The following ZNF714 variants were observed in gnomAD, a reference collection of about 807,000 sequenced individuals.
The protein encoded by ZNF714 is zinc finger protein 714.
ZNF714 carries 32 observed loss-of-function variants against 46.2 expected under a neutral mutation model. The ratio of observed to expected loss-of-function variants is 0.69; its 90% CI spans 0.52 to 0.93. ZNF714 has a LOEUF of 0.93. Among genes scored for constraint, ZNF714 ranks in the 40% least tolerant of loss-of-function variants. The pLI is 0.00. For missense variants in ZNF714, 635 were observed against 646.3 expected (o/e 0.98, Z 0.19); for synonymous variants, 199 against 213.1 (o/e 0.93, Z 0.58).
rs546940011 is a variant in ZNF714, at chr19:21,122,089, T to C, written c.*3757T>C. ...GATTGTTCCTTTCACTTTTTATAAT[T>C]GACATAAGTATATTTATTTATTGAG... On this transcript the variant is annotated 3_prime_UTR_variant, in exon 5 of 5. Transcript: ENST00000456283. 6.6e-6 allele frequency: 1 copy of C among 152,302 alleles called. No homozygotes were observed. Among genetic ancestry groups the C allele is most frequent in the African/African-American group, 2.4e-5 (1 of 41,572 alleles). The allele number at this position is 152,302 out of a possible 1,614,324, so 9.4% of individuals were successfully genotyped here.
Position 21,082,277 on chromosome 19 carries a change from T to G in ZNF714, c.-248T>G, listed in dbSNP as rs940874776. ...CCTCTGCTCGCAGAGGCCCAGCCTC[T>G]GTGGCCCTGTGACCTGCAGGTATTG... On this transcript the variant is annotated 5_prime_UTR_variant, in exon 1 of 5. Transcript: ENST00000456283. 3.1e-5 allele frequency: 44 copies of G among 1,419,996 alleles called. 1 individual carries two copies. In the Middle Eastern group the frequency reaches 5.9e-4, roughly 19 times the overall value. 88.0% of individuals were successfully genotyped at this position (1,419,996 alleles called of 1,614,324 possible).
intron 4 of ZNF714, among the ~76,000 whole-genome samples, chr19:21,115,336 C>T (rs1969567650): frequency 6.6e-6 from 1 of 151,570 alleles, no homozygotes. Flanking sequence ...TGTGTATGTG[C>T]ATGTTTCCCT....
intron 4 of ZNF714, among the ~76,000 whole-genome samples, chr19:21,111,632 G>A (rs1969451335): frequency 6.6e-6 from 1 of 152,112 alleles, no homozygotes; most frequent in Non-Finnish European, 1.5e-5. Flanking sequence ...AAATAGGAGT[G>A]GTGAGAGGGC....
chr19:21,097,409 A>G (rs1969068179), intron 2 of ZNF714, among the ~76,000 whole-genome samples: 1 of 152,224 alleles, frequency 6.6e-6, no homozygotes, highest in African/African-American at 2.4e-5. Flanking sequence ...TCAGCACATC[A>G]TAAAAATTTA....
At chr19:21,090,149 G>A (rs1968876135) in intron 2 of ZNF714, among the ~76,000 whole-genome samples, 1 of 152,204 alleles carries the variant, frequency 6.6e-6, no homozygotes. Flanking sequence ...CTCTGATCAG[G>A]AGTTTCAACT....
At chr19:21,097,716 T>C (rs971605370) in intron 2 of ZNF714, among the ~76,000 whole-genome samples, 2 of 152,016 alleles carry the variant, frequency 1.3e-5, no homozygotes, top group Admixed American at 6.6e-5. Context: ...GTCAAAAACA[T>C]TGGCATTGCT....
intron 2 of ZNF714, among the ~76,000 whole-genome samples, chr19:21,086,089 A>G (rs1357623668): frequency 6.6e-6 from 1 of 152,180 alleles, no homozygotes; most frequent in Non-Finnish European, 1.5e-5. Context: ...TGAAATCAGC[A>G]TGTTCTTAGA....
At chr19:21,088,586 GTTT>G in intron 2 of ZNF714, among the ~76,000 whole-genome samples, 1 of 152,142 alleles carries the variant, frequency 6.6e-6, no homozygotes, top group East Asian at 1.9e-4. Flanking sequence ...CTTTAAAACT[GTTT>G]TTATTTCAAA....
chr19:21,089,860 G>C (rs1390866253), intron 2 of ZNF714, among the ~76,000 whole-genome samples: 1 of 122,532 alleles, frequency 8.2e-6, no homozygotes, highest in Non-Finnish European at 1.7e-5. Context: ...CATTCCATCA[G>C]TTTACATAGA....
At chr19:21,106,440 G>T (rs2144858364) in intron 4 of ZNF714, among the ~76,000 whole-genome samples, 1 of 151,162 alleles carries the variant, frequency 6.6e-6, no homozygotes, top group South Asian at 2.1e-4. Context: ...GTGGTGGCAG[G>T]CGCCTGTAAT....
chr19:21,096,407 G>C (rs1327961537), intron 2 of ZNF714, among the ~76,000 whole-genome samples: 1 of 152,134 alleles, frequency 6.6e-6, no homozygotes, highest in Non-Finnish European at 1.5e-5. Context: ...GAGGAAAAAT[G>C]CTTCTTTTCA....
In ZNF714 at chr19:21,117,347, C is replaced by G. The variant is rs751159017; in HGVS notation, c.683C>G (p.Pro228Arg). 30 of 1,612,174 alleles carry G rather than the reference C, an allele frequency of 1.9e-5. No individual in the cohort carries two copies. The highest frequency in any genetic ancestry group is 1.9e-5 in the Non-Finnish European group (22 of 1,178,710). ...THKMIHTGEK[P>R]YRCEECGKAF... Reference sequence around the variant, plus strand: ...AAGATGATTCATACTGGAGAGAAACCCTACAGATGTGAAGAATGTGGCAAA... The same window carrying G: ...AAGATGATTCATACTGGAGAGAAACGCTACAGATGTGAAGAATGTGGCAAA... The change falls in exon 5 of 5, where the codon CCC (proline) becomes CGC (arginine). Residue 228 changes from proline to arginine, a missense_variant. Pro to Arg is a moderately radical substitution (Grantham distance 103). Transcript: ENST00000456283.
rs554446762 is a variant in ZNF714, at chr19:21,118,056, A to G, written c.1392A>G (p.Arg464=). The change falls in exon 5 of 5, where the codon CGA becomes CGG. Residue 464 remains arginine, a synonymous_variant. Coordinates refer to ENST00000456283, the MANE Select transcript of ZNF714 (RefSeq NM_182515.4). ...KCEECGKAFN[R]SSNLTKHNII... is the part of the protein sequence containing the mutation. ...AAGAATGTGGCAAAGCTTTCAACCG[A>G]TCCTCAAACCTTACTAAACATAACA... 80 of 1,613,806 alleles carry G rather than the reference A, an allele frequency of 5.0e-5. No homozygotes were observed. The East Asian group carries it at 1.8e-3, about 36-fold the overall frequency.
intron 2 of ZNF714, among the ~76,000 whole-genome samples, chr19:21,087,445 A>AT (rs1235263904): frequency 2.6e-5 from 4 of 152,114 alleles, no homozygotes; most frequent in African/African-American, 4.8e-5. Flanking sequence ...TTTCTATGTG[A>AT]TTTTTTATAC....
At chr19:21,111,100 AAT>A (rs958117639) in intron 4 of ZNF714, among the ~76,000 whole-genome samples, 2 of 152,118 alleles carry the variant, frequency 1.3e-5, no homozygotes, top group African/African-American at 2.4e-5. Flanking sequence ...TGAATTTTAA[AAT>A]AGTTTTTTTC....
rs1405067774 is a variant in ZNF714 at position 21,099,506 on chromosome 19, T to C, written c.142+596T>C. On this transcript the variant is annotated intron_variant, in intron 4 of 4. Transcript: ENST00000456283. ...GAAAACTCTATGTTACATTATTTTT[T>C]AGTTCTCTTTTTGCATCCTGTCTGA... is the stretch of plus-strand genomic sequence containing the variant. Among the ~76,000 whole-genome samples, 4 of 149,692 alleles carry C rather than the reference T, an allele frequency of 2.7e-5. No homozygotes were observed. In the South Asian group the frequency reaches 8.5e-4, roughly 32 times the overall value.
Position 21,117,489 on chromosome 19 carries a change from T to G in ZNF714, c.825T>G (p.His275Gln), listed in dbSNP as rs1969626502. Residue 275 changes from histidine (H) to glutamine (Q), a missense_variant, in exon 5 of 5, where the codon CAT becomes CAG. By Grantham distance (24) the His-to-Gln change is conservative. Transcript: ENST00000456283. ...ACCACCCTTCAGCCCTTACTACACATAAGTTCATTCATGTTAAAGAAAAAC... is the reference window on the plus strand; with the variant it reads ...ACCACCCTTCAGCCCTTACTACACAGAAGTTCATTCATGTTAAAGAAAAAC... ...AFNHPSALTT[H>Q]KFIHVKEKPY... 1 of 1,610,016 alleles carries G rather than the reference T, an allele frequency of 6.2e-7. No homozygotes were observed. The highest frequency in any genetic ancestry group is 1.3e-5 in the African/African-American group (1 of 74,788).
chr19:21,098,247 C>T lies in ZNF714; in HGVS notation c.-22C>T, dbSNP rs909367680. The T allele has an allele frequency of 6.2e-7, 1 of 1,612,412 alleles. No individual in the cohort carries two copies. Among genetic ancestry groups the T allele is most frequent in the Non-Finnish European group, 8.5e-7 (1 of 1,179,728 alleles). Reference sequence around the variant, plus strand: ...CTCTGGAGGAGTGGGAATGCCTGAACCCTGCTCAGCAGAATTTATATATGA... The same window carrying T: ...CTCTGGAGGAGTGGGAATGCCTGAATCCTGCTCAGCAGAATTTATATATGA... On this transcript the variant is annotated 5_prime_UTR_variant, in exon 3 of 5. Transcript: ENST00000456283.
intron 2 of ZNF714, among the ~76,000 whole-genome samples, chr19:21,086,998 T>C (rs1171205422): frequency 6.6e-6 from 1 of 152,174 alleles, no homozygotes; most frequent in Non-Finnish European, 1.5e-5. Context: ...TTCTATTAGT[T>C]CAGTCCATTC....
Sources: allele counts gnomAD v4.1 joint callset (sites outside exome capture counted in the v4.1 genomes callset), GRCh38; gene constraint gnomAD v4.1.1; transcripts MANE v1.5; gene names NCBI Gene and HGNC (gene_info 2026-07-23, HGNC 2026-07-21).